PLCE1: variants seen among roughly 807,000 people sequenced by gnomAD.
PLCE1 encodes the protein 1-phosphatidylinositol 4,5-bisphosphate phosphodiesterase epsilon-1.
In PLCE1, 119 loss-of-function variants were observed where a neutral mutation model predicts 242.8. The ratio of observed to expected loss-of-function variants is 0.49; its 90% CI spans 0.42 to 0.57. The LOEUF (loss-of-function observed/expected upper bound fraction) is 0.57, where lower values mean the gene tolerates loss of function less well. PLCE1 is among the 20% of genes least tolerant of loss of function. The pLI is 0.00. For missense variants in PLCE1, 2,441 were observed against 2,788.8 expected (o/e 0.88, Z 2.81); for synonymous variants, 945 against 1,017.4 (o/e 0.93, Z 1.35).
chr10:94,089,888 C>A (rs1440641175), intron 2 of PLCE1, among the ~76,000 whole-genome samples: 1 of 151,434 alleles, frequency 6.6e-6, no homozygotes, highest in Non-Finnish European at 1.5e-5. Flanking sequence ...AGTTTTTTTT[C>A]TAAGAGGAAA....
intron 4 of PLCE1, among the ~76,000 whole-genome samples, chr10:94,191,466 A>C (rs2048664652): frequency 6.6e-6 from 1 of 152,012 alleles, no homozygotes; most frequent in Non-Finnish European, 1.5e-5. Flanking sequence ...ACATAGCGAG[A>C]CCCGGTCTCT....
chr10:94,014,666 C>G (rs537428550), intron 1 of PLCE1, among the ~76,000 whole-genome samples: 1 of 152,160 alleles, frequency 6.6e-6, no homozygotes, highest in Non-Finnish European at 1.5e-5. Flanking sequence ...TTTAAAGCCC[C>G]GATGGATCAT....
intron 1 of PLCE1, among the ~76,000 whole-genome samples, chr10:94,006,351 A>G (rs879862555): frequency 1.6e-4 from 25 of 152,230 alleles, no homozygotes; most frequent in Non-Finnish European, 3.5e-4. Context: ...AGATTAAGAG[A>G]CATGTGCTTT....
chr10:94,261,762 C>G (rs2051305411), intron 13 of PLCE1, among the ~76,000 whole-genome samples: 3 of 151,986 alleles, frequency 2.0e-5, no homozygotes, highest in Non-Finnish European at 2.9e-5. Flanking sequence ...TTGGTATTTA[C>G]CCAAATGAGT....
At chr10:94,170,334 G>C (rs2047933265) in intron 3 of PLCE1, among the ~76,000 whole-genome samples, 1 of 152,170 alleles carries the variant, frequency 6.6e-6, no homozygotes, top group African/African-American at 2.4e-5. Flanking sequence ...TCCGTTTGTT[G>C]AATGAATGAA....
At chr10:94,314,294 C>T (rs1296649329) in intron 28 of PLCE1, among the ~76,000 whole-genome samples, 1 of 152,178 alleles carries the variant, frequency 6.6e-6, no homozygotes, top group Non-Finnish European at 1.5e-5. Flanking sequence ...ATCCTTAACC[C>T]ATTTCAGAAT....
intron 4 of PLCE1, among the ~76,000 whole-genome samples, chr10:94,198,280 T>C (rs146857355): frequency 1.8e-3 from 268 of 152,282 alleles, no homozygotes; most frequent in Non-Finnish European, 3.0e-3. Context: ...TTTTCCTGAA[T>C]ATGTGTTCAT....
chr10:94,019,031 A>T (rs1254970472), intron 1 of PLCE1, among the ~76,000 whole-genome samples: 1 of 152,220 alleles, frequency 6.6e-6, no homozygotes, highest in Non-Finnish European at 1.5e-5. Context: ...TTTTATAATG[A>T]TAAGAATAAA....
At chr10:94,213,884 C>G (rs1327810988) in intron 4 of PLCE1, among the ~76,000 whole-genome samples, 1 of 152,072 alleles carries the variant, frequency 6.6e-6, no homozygotes, top group Non-Finnish European at 1.5e-5. Flanking sequence ...ATTTATCGTC[C>G]CTTTTATTAG....
intron 4 of PLCE1, among the ~76,000 whole-genome samples, chr10:94,211,249 C>A (rs1365427470): frequency 6.6e-6 from 1 of 152,236 alleles, no homozygotes; most frequent in Non-Finnish European, 1.5e-5. Flanking sequence ...TCCTTATCCA[C>A]CACTTCTTCA....
At chr10:94,210,079 C>CA (rs2049282908) in intron 4 of PLCE1, among the ~76,000 whole-genome samples, 4 of 151,452 alleles carry the variant, frequency 2.6e-5, no homozygotes, top group Admixed American at 2.0e-4. Flanking sequence ...GTCAACAGAC[C>CA]AAAAAAATGA....
chr10:94,196,876 C>A (rs2048838935), intron 4 of PLCE1, among the ~76,000 whole-genome samples: 1 of 152,086 alleles, frequency 6.6e-6, no homozygotes, highest in African/African-American at 2.4e-5. Context: ...TTAAAGTATA[C>A]AGGTCAGTGG....
In PLCE1 at chr10:94,317,320, A is replaced by C. The variant is rs375496604; in HGVS notation, c.6342+564A>C. On this transcript the variant is annotated intron_variant, in intron 29 of 32. Coordinates refer to ENST00000371380, the MANE Select transcript of PLCE1 (RefSeq NM_016341.4). Reference sequence around the variant, plus strand: ...ACTATTCCATTTTAAAAATAAATAAAAACATACCTTATAAGATAAAGGAAG... The same window carrying C: ...ACTATTCCATTTTAAAAATAAATAACAACATACCTTATAAGATAAAGGAAG... Among the ~76,000 whole-genome samples the C allele has an allele frequency of 5.9e-5, 9 of 152,312 alleles. No individual in the cohort carries two copies. The East Asian group carries it at 1.2e-3, about 20-fold the overall frequency.
At chr10:94,170,859 A>G (rs2047951068) in intron 3 of PLCE1, among the ~76,000 whole-genome samples, 1 of 152,170 alleles carries the variant, frequency 6.6e-6, no homozygotes, top group African/African-American at 2.4e-5. Context: ...AAAGGAGGAT[A>G]AGGAAGCAAA....
intron 4 of PLCE1, among the ~76,000 whole-genome samples, chr10:94,213,137 T>C (rs1183451748): frequency 6.6e-6 from 1 of 152,202 alleles, no homozygotes; most frequent in Non-Finnish European, 1.5e-5. Flanking sequence ...CAGGATCTCA[T>C]TTCAGGACAT....
At position 94,262,873 on chromosome 10, in the gene PLCE1, G is replaced by T. The variant is rs28494964; in HGVS notation, c.4053+141G>T. On this transcript the variant is annotated intron_variant, in intron 14 of 32. Transcript: ENST00000371380. Reference sequence around the variant, plus strand: ...GATATACAGTTTTGTTTTTTTTTTTGTTTTTTTGGGTGTTTTTGAGACAGA... The same window carrying T: ...GATATACAGTTTTGTTTTTTTTTTTTTTTTTTTGGGTGTTTTTGAGACAGA... 8.3e-4 allele frequency: 561 copies of T among 678,518 alleles called. 1 individual carries two copies. The African/African-American group carries it at 8.8e-3, about 11-fold the overall frequency. 42.0% of individuals were successfully genotyped at this position (678,518 alleles called of 1,614,324 possible).
chr10:94,008,776 G>A (rs2134246006), intron 1 of PLCE1, among the ~76,000 whole-genome samples: 1 of 152,258 alleles, frequency 6.6e-6, no homozygotes, highest in South Asian at 2.1e-4. Context: ...AGCCATCTGG[G>A]GCAACAAGAG....
At chr10:94,118,433 C>G (rs2046200862) in intron 2 of PLCE1, among the ~76,000 whole-genome samples, 1 of 101,796 alleles carries the variant, frequency 9.8e-6, no homozygotes, top group African/African-American at 2.9e-5. Context: ...TCTGTGTCCC[C>G]ACCCAAATCT....
At chr10:94,005,306 G>A (rs966394361) in intron 1 of PLCE1, among the ~76,000 whole-genome samples, 2 of 152,148 alleles carry the variant, frequency 1.3e-5, no homozygotes, top group Admixed American at 1.3e-4. Context: ...CTTGTATTGA[G>A]GAAGCCATTC....
Sources: gnomAD v4.1 joint callset for allele counts (sites outside exome capture counted in the v4.1 genomes callset) on GRCh38, gnomAD v4.1.1 for gene constraint, MANE v1.5 for transcripts, NCBI Gene and HGNC (gene_info 2026-07-23, HGNC 2026-07-21) for gene names.